Variants in IKZF3 observed in about 807,000 individuals in gnomAD.
IKZF3 encodes the protein zinc finger protein Aiolos.
A neutral mutation model predicts 49.0 loss-of-function variants in IKZF3; 10 were observed. That is an observed-to-expected ratio of 0.20 (90% CI 0.13 to 0.35). The LOEUF is 0.35. Ranked by LOEUF, IKZF3 falls within the 10% of genes least tolerant of loss-of-function variation. IKZF3 has a pLI of 1.00. For missense variants in IKZF3, 498 were observed against 664.8 expected, an observed-to-expected ratio of 0.75 and a Z score of 2.76; for synonymous variants, 209 against 228.2, an observed-to-expected ratio of 0.92 and a Z score of 0.76.
At chr17:39,774,277 C>T (rs186548076) in intron 7 of IKZF3, among the ~76,000 whole-genome samples, 17 of 152,288 alleles carry the variant, frequency 1.1e-4, no homozygotes, top group Admixed American at 1.3e-4. Context: ...TCTTCCTTCA[C>T]ACCTTACCCA....
At chr17:39,801,380 G>A (rs951359059) in intron 3 of IKZF3, among the ~76,000 whole-genome samples, 8 of 151,902 alleles carry the variant, frequency 5.3e-5, no homozygotes, top group Admixed American at 2.0e-4. Context: ...TTTCTAGCAC[G>A]CCATTTTCTA....
chr17:39,849,684 C>T (rs562837934), intron 1 of IKZF3, among the ~76,000 whole-genome samples: 6 of 151,508 alleles, frequency 4.0e-5, no homozygotes, highest in Non-Finnish European at 5.9e-5. Context: ...AACAAAAAAA[C>T]GTGAATGACC....
intron 6 of IKZF3, among the ~76,000 whole-genome samples, chr17:39,782,375 A>G (rs2060764604): frequency 1.3e-5 from 2 of 152,032 alleles, no homozygotes; most frequent in Admixed American, 1.3e-4. Context: ...TGTGAGGAAC[A>G]CAGTGAGCCC....
At chr17:39,778,806 A>AACAAAGAAACAAACAAAAC in intron 6 of IKZF3, among the ~76,000 whole-genome samples, 1 of 152,332 alleles carries the variant, frequency 6.6e-6, no homozygotes, top group African/African-American at 2.4e-5. Flanking sequence ...CGTCTCAAAA[A>AACAAAGAAACAAACAAAAC]ACAAAGAAAC....
intron 6 of IKZF3, among the ~76,000 whole-genome samples, chr17:39,784,725 A>G (rs1293868803): frequency 2.0e-5 from 3 of 152,224 alleles, no homozygotes; most frequent in Admixed American, 6.5e-5. Flanking sequence ...CTTAAAGTGT[A>G]GGGGCTTAAC....
intron 1 of IKZF3, among the ~76,000 whole-genome samples, chr17:39,846,663 G>A (rs28535471): frequency 4.0e-5 from 6 of 151,718 alleles, no homozygotes; most frequent in Non-Finnish European, 5.9e-5. Flanking sequence ...TAGCTATGAA[G>A]AAAATCAAAT....
intron 3 of IKZF3, among the ~76,000 whole-genome samples, chr17:39,829,048 C>A (rs1243431134): frequency 6.6e-6 from 1 of 152,074 alleles, no homozygotes; most frequent in Non-Finnish European, 1.5e-5. Context: ...GACACCAAGT[C>A]ATTGTCGGAA....
chr17:39,846,485 A>C (rs1308005837), intron 1 of IKZF3, among the ~76,000 whole-genome samples: 1 of 144,274 alleles, frequency 6.9e-6, no homozygotes, highest in Non-Finnish European at 1.5e-5. Flanking sequence ...TAAGATACCA[A>C]GGTTTTTTTT....
intron 6 of IKZF3, among the ~76,000 whole-genome samples, chr17:39,780,385 C>T (rs1480601998): frequency 6.6e-6 from 1 of 151,860 alleles, no homozygotes; most frequent in Non-Finnish European, 1.5e-5. Context: ...ATTTTTGAAA[C>T]AGGGTCTCAA....
Position 39,864,210 on chromosome 17 carries a change from A to C in IKZF3, c.-84T>G. On this transcript the variant is annotated 5_prime_UTR_variant, in exon 1 of 8. Coordinates refer to ENST00000346872, the MANE Select transcript of IKZF3 (RefSeq NM_012481.5). The stretch of plus-strand genomic sequence containing the variant: ...CTGCCGTCGCCTGGACTCAGCGCGC[A>C]GCTGGCGGGAGATTCCCGGCGCGGG... 2.0e-6 allele frequency: 3 copies of C among 1,495,212 alleles called. No individual in the cohort carries two copies. The highest frequency in any genetic ancestry group is 2.7e-6 in the Non-Finnish European group (3 of 1,105,820). 92.6% of individuals were successfully genotyped at this position (1,495,212 alleles called of 1,614,324 possible).
intron 3 of IKZF3, among the ~76,000 whole-genome samples, chr17:39,813,908 C>A (rs1401973026): frequency 6.6e-6 from 1 of 152,192 alleles, no homozygotes; most frequent in South Asian, 2.1e-4. Flanking sequence ...TAAGCAGTAC[C>A]GCGGGAGCCT....
intron 3 of IKZF3, among the ~76,000 whole-genome samples, chr17:39,797,712 C>T (rs935512374): frequency 6.6e-5 from 10 of 152,050 alleles, no homozygotes; most frequent in African/African-American, 2.2e-4. Context: ...CATGAGCCAC[C>T]GTGCCCGGCC....
chr17:39,766,209 C>T lies in IKZF3; in HGVS notation c.1111G>A (p.Val371Met), dbSNP rs761638514. Residue 371 changes from valine (V) to methionine (M), a missense_variant, in exon 8 of 8, where the codon GTG (valine) becomes ATG (methionine). Physicochemically the swap from Val to Met is conservative, Grantham distance 21. Transcript: ENST00000346872. ...GGAGAGAGGCCTCTCTCAGAAGGCA[C>T]GCTCTTCTCTGGAAGGTGGATGCTT... ...KKSIHLPEKSVPSERGLSPNN... is the reference protein window; with the variant it reads ...KKSIHLPEKSMPSERGLSPNN... 19 of 1,614,034 alleles carry T rather than the reference C, an allele frequency of 1.2e-5. No individual in the cohort carries two copies. Among genetic ancestry groups the T allele is most frequent in the Admixed American group, 3.3e-5 (2 of 60,008 alleles).
In IKZF3 at chr17:39,760,666, G is replaced by A. The variant is rs2060162578; in HGVS notation, c.*5124C>T. 6.6e-6 allele frequency: 1 copy of A among 152,246 alleles called. No homozygotes were observed. The highest frequency in any genetic ancestry group is 6.5e-5 in the Admixed American group (1 of 15,290). 9.4% of individuals were successfully genotyped at this position (152,246 alleles called of 1,614,324 possible). ...AACCTCACATTCAGTAGGGCTTGGG[G>A]AGGTGGGGGTGGTACAGGAAATAGG... On this transcript the variant is annotated 3_prime_UTR_variant, in exon 8 of 8. Coordinates refer to ENST00000346872, the MANE Select transcript of IKZF3 (RefSeq NM_012481.5).
rs183613042 is a variant in IKZF3 at position 39,789,744 on chromosome 17, A to C, written c.593-1370T>G. On this transcript the variant is annotated intron_variant, in intron 5 of 7. Transcript: ENST00000346872. The stretch of plus-strand genomic sequence containing the variant: ...CACCATCTCAAACAAACAAACAAAC[A>C]AACAAAATTAGCTGGGCGTTGTGGT... 2.7e-3 allele frequency among the ~76,000 whole-genome samples: 411 copies of C among 150,950 alleles called. 3 individuals carry two copies. Among genetic ancestry groups the C allele is most frequent in the Non-Finnish European group, 2.9e-3 (194 of 67,732 alleles).
intron 1 of IKZF3, chr17:39,835,775 A>C: frequency 2.0e-6 from 1 of 512,372 alleles, no homozygotes. Context: ...GTAAGACTCC[A>C]TCCAGCTCCA....
rs951921821 is a variant in IKZF3, at chr17:39,839,453, C to T, written c.8-7302G>A. ...TACCAGTTTTCATCTAAATCCACTG[C>T]GGAATGGGAAGATTTTCCTTTTGTT... On this transcript the variant is annotated intron_variant, in intron 1 of 7. Coordinates refer to ENST00000346872, the MANE Select transcript of IKZF3 (RefSeq NM_012481.5). 49 of 586,768 alleles carry T rather than the reference C, an allele frequency of 8.4e-5. 1 individual carries two copies. Among genetic ancestry groups the T allele is most frequent in the South Asian group, 3.8e-4 (27 of 70,676 alleles). 36.3% of individuals were successfully genotyped at this position (586,768 alleles called of 1,614,324 possible).
intron 3 of IKZF3, among the ~76,000 whole-genome samples, chr17:39,819,450 C>G (rs1170428667): frequency 2.0e-5 from 3 of 152,094 alleles, no homozygotes; most frequent in Non-Finnish European, 2.9e-5. Flanking sequence ...TTGCACGAAG[C>G]TGATACAACA....
At position 39,766,412 on chromosome 17, in the gene IKZF3, A is replaced by T. The variant is rs556732031; in HGVS notation, c.908T>A (p.Met303Lys). The T allele has an allele frequency of 6.2e-7, 1 of 1,614,228 alleles. No homozygotes were observed. The highest frequency in any genetic ancestry group is 1.1e-5 in the South Asian group (1 of 91,086). The change falls in exon 8 of 8, where the codon ATG becomes AAG. Residue 303 changes from methionine (M) to lysine (K), a missense_variant. By Grantham distance (95) the Met-to-Lys change is moderately conservative. Coordinates refer to ENST00000346872, the MANE Select transcript of IKZF3 (RefSeq NM_012481.5). Reference sequence around the variant, plus strand: ...GGCGTTATTGATGGCTTGGTCCATCATGCGGGTCTGTATGAGCTCACTCTC... The same window carrying T: ...GGCGTTATTGATGGCTTGGTCCATCTTGCGGGTCTGTATGAGCTCACTCTC... ...EKESELIQTRMMDQAINNAIS... is the reference protein window; with the variant it reads ...EKESELIQTRKMDQAINNAIS...
Sources: allele counts gnomAD v4.1 joint callset (sites outside exome capture counted in the v4.1 genomes callset), GRCh38; gene constraint gnomAD v4.1.1; transcripts MANE v1.5; gene names NCBI Gene and HGNC (gene_info 2026-07-23, HGNC 2026-07-21).